The following RMDN2 variants were observed in gnomAD, a reference collection of about 807,000 sequenced individuals.
The protein encoded by RMDN2 is regulator of microtubule dynamics 2.
Under a neutral mutation model 52.8 loss-of-function variants are expected in RMDN2, and 61 were observed. The ratio of observed to expected loss-of-function variants is 1.16; its 90% CI spans 0.94 to 1.43. RMDN2 has a LOEUF of 1.43. RMDN2 is among the 40% of genes most tolerant of loss of function. The pLI, the probability that RMDN2 is intolerant of heterozygous loss-of-function variation, is 0.00. For missense variants in RMDN2, 592 were observed against 475.3 expected (o/e 1.25, Z -2.28); for synonymous variants, 180 against 153.1 (o/e 1.18, Z -1.30).
At chr2:38,004,584 C>T (rs1296204333) in intron 10 of RMDN2, among the ~76,000 whole-genome samples, 1 of 152,088 alleles carries the variant, frequency 6.6e-6, no homozygotes, top group Non-Finnish European at 1.5e-5. Flanking sequence ...ACCTATTCAT[C>T]CTGCATAACT....
At position 37,952,177 on chromosome 2, in the gene RMDN2, C is replaced by T. The variant is rs1668912103; in HGVS notation, c.453-21863C>T. ...TTGTTTCAAGATGAAGACAGATCTT[C>T]ACCTATTGAAATTCCTAAAATAAGG... is the stretch of plus-strand genomic sequence containing the variant. On this transcript the variant is annotated intron_variant, in intron 2 of 10. Transcript: ENST00000354545. The T allele has an allele frequency of 1.9e-6, 3 of 1,613,046 alleles. No individual in the cohort carries two copies. The South Asian group carries it at 3.3e-5, about 18-fold the overall frequency.
chr2:37,987,740 A>G (rs1475807941), intron 5 of RMDN2, among the ~76,000 whole-genome samples: 1 of 152,150 alleles, frequency 6.6e-6, no homozygotes, highest in African/African-American at 2.4e-5. Context: ...TAACAAATGT[A>G]CCACTGTGAA....
chr2:37,991,548 G>C lies in RMDN2; in HGVS notation c.945+251G>C, dbSNP rs543823038. Among the ~76,000 whole-genome samples, 2 of 151,606 alleles carry C rather than the reference G, an allele frequency of 1.3e-5. 1 individual carries two copies. The highest frequency in any genetic ancestry group is 1.3e-4 in the Admixed American group (2 of 15,228). ...ATAAACTTGTAATTTATATATATTT[G>C]TATGTTATATGCCACATTTTATATA... On this transcript the variant is annotated intron_variant, in intron 7 of 10. Transcript: ENST00000354545.
chr2:37,955,814 T>C (rs1669381475), intron 2 of RMDN2, among the ~76,000 whole-genome samples: 1 of 152,162 alleles, frequency 6.6e-6, no homozygotes. Context: ...GGTATGTCTT[T>C]GTCAGCAGCA....
At chr2:38,044,779 C>T (rs1681171133) in intron 10 of RMDN2, among the ~76,000 whole-genome samples, 1 of 151,946 alleles carries the variant, frequency 6.6e-6, no homozygotes, top group African/African-American at 2.4e-5. Context: ...ATTATATTAC[C>T]CACCTATTCT....
intron 2 of RMDN2, among the ~76,000 whole-genome samples, chr2:37,937,143 A>G (rs565135754): frequency 6.6e-6 from 1 of 152,194 alleles, no homozygotes; most frequent in East Asian, 1.9e-4. Flanking sequence ...TTTTCCCAAC[A>G]CCATTTATTA....
At chr2:38,016,584 A>T (rs750389949) in intron 10 of RMDN2, among the ~76,000 whole-genome samples, 2 of 152,224 alleles carry the variant, frequency 1.3e-5, no homozygotes, top group Non-Finnish European at 2.9e-5. Context: ...TAATGAGACA[A>T]TGCACATGGA....
chr2:37,977,362 C>T (rs896755501), intron 4 of RMDN2, among the ~76,000 whole-genome samples: 8 of 152,232 alleles, frequency 5.3e-5, no homozygotes, highest in Non-Finnish European at 2.9e-5. Context: ...GGGTACACCT[C>T]CCAGACGGGG....
chr2:38,018,084 G>A (rs1195768390), downstream of RMDN2, among the ~76,000 whole-genome samples: 3 of 152,206 alleles, frequency 2.0e-5, no homozygotes, highest in Non-Finnish European at 4.4e-5. Context: ...AGTTAAGGCA[G>A]GGACCAGCCA....
intron 5 of RMDN2, among the ~76,000 whole-genome samples, chr2:37,987,174 T>A (rs1463812574): frequency 2.0e-5 from 3 of 152,008 alleles, no homozygotes; most frequent in African/African-American, 7.3e-5. Context: ...ATACCAGCAA[T>A]GAAGAAGTGG....
chr2:38,059,609 G>C (rs1025413517), intron 10 of RMDN2, among the ~76,000 whole-genome samples: 5 of 152,186 alleles, frequency 3.3e-5, no homozygotes, highest in African/African-American at 4.8e-5. Context: ...GAGCAAGGTA[G>C]GCATGTCGAG....
rs767164271 is a variant in RMDN2, at chr2:38,000,645, G to T, written c.1044+3131G>T. Reference sequence around the variant, plus strand: ...TGGCTTTTACTCAGCATACTGTTTTGAGATTCATTCATTTTATTGAGTGTA... The same window carrying T: ...TGGCTTTTACTCAGCATACTGTTTTTAGATTCATTCATTTTATTGAGTGTA... On this transcript the variant is annotated intron_variant, in intron 8 of 10. Coordinates refer to ENST00000354545, the MANE Select transcript of RMDN2 (RefSeq NM_001170791.3). Among the ~76,000 whole-genome samples, 6 of 152,208 alleles carry T rather than the reference G, an allele frequency of 3.9e-5. 1 individual carries two copies. In the South Asian group the frequency reaches 1.0e-3, roughly 26 times the overall value.
chr2:37,951,906 A>C, intron 2 of RMDN2: 2 of 1,613,318 alleles, frequency 1.2e-6, no homozygotes. Flanking sequence ...ACAAAATGGA[A>C]TTGCCAATGA....
intron 2 of RMDN2, chr2:37,951,170 C>A: frequency 1.4e-6 from 2 of 1,456,600 alleles, no homozygotes; most frequent in Non-Finnish European, 9.1e-7. Flanking sequence ...CTTCAGGAGG[C>A]TTGGCAGGTC....
rs573603296 is a variant in RMDN2 at position 37,931,419 on chromosome 2, A to C, written c.452+1690A>C. On this transcript the variant is annotated intron_variant, in intron 2 of 10. Coordinates refer to ENST00000354545, the MANE Select transcript of RMDN2 (RefSeq NM_001170791.3). ...GTATGTAAATCTGTGGTATTTCTTC[A>C]TCGTGTGTCCTGTGTGCAGTTTTGG... Among the ~76,000 whole-genome samples the C allele has an allele frequency of 2.6e-5, 4 of 152,320 alleles. No homozygotes were observed. The East Asian group carries it at 7.7e-4, about 29-fold the overall frequency.
chr2:38,016,768 G>GA (rs1046841732), intron 10 of RMDN2, among the ~76,000 whole-genome samples: 66 of 151,668 alleles, frequency 4.4e-4, no homozygotes, highest in African/African-American at 1.4e-3. Context: ...CCTTGATATG[G>GA]AAAAAAAACT....
rs145440609 is a variant in RMDN2, at chr2:37,956,902, A to G, written c.453-17138A>G. Among the ~76,000 whole-genome samples, 163 of 151,680 alleles carry G rather than the reference A, an allele frequency of 1.1e-3. 3 individuals carry two copies. In the East Asian group the frequency reaches 0.027, roughly 25 times the overall value. On this transcript the variant is annotated intron_variant, in intron 2 of 10. Coordinates refer to ENST00000354545, the MANE Select transcript of RMDN2 (RefSeq NM_001170791.3). ...CTCCCACTTATGAGTGAGAACATGCAGTGTTTGGTTTTCTGTTCCTGTGCT... is the reference window on the plus strand; with the variant it reads ...CTCCCACTTATGAGTGAGAACATGCGGTGTTTGGTTTTCTGTTCCTGTGCT...
chr2:38,050,783 G>T (rs1464932875), intron 10 of RMDN2, among the ~76,000 whole-genome samples: 1 of 152,196 alleles, frequency 6.6e-6, no homozygotes, highest in African/African-American at 2.4e-5. Context: ...TTCTGAGACA[G>T]AGGCTCGCTC....
chr2:38,010,806 G>C (rs185727397), intron 10 of RMDN2, among the ~76,000 whole-genome samples: 1 of 152,276 alleles, frequency 6.6e-6, no homozygotes, highest in East Asian at 1.9e-4. Flanking sequence ...CATCACTCAC[G>C]CTCGGAGCTG....
Sources: allele counts gnomAD v4.1 joint callset (sites outside exome capture counted in the v4.1 genomes callset), GRCh38; gene constraint gnomAD v4.1.1; transcripts MANE v1.5; gene names NCBI Gene and HGNC (gene_info 2026-07-23, HGNC 2026-07-21).